KCND2: variants seen among roughly 807,000 people sequenced by gnomAD.
KCND2 encodes potassium voltage-gated channel subfamily D member 2, also known as A-type voltage-gated potassium channel KCND2.
Under a neutral mutation model 54.4 loss-of-function variants are expected in KCND2, and 16 were observed. The observed-to-expected ratio is 0.29, with a 90% CI of 0.20 to 0.45. KCND2 has a LOEUF of 0.45. KCND2 is among the 20% of genes least tolerant of loss of function. The pLI is 1.00. For missense variants in KCND2, 486 were observed against 824.2 expected (o/e 0.59, Z 5.02); for synonymous variants, 317 against 310.7 (o/e 1.02, Z -0.21).
At chr7:120,447,303 C>T (rs1802030613) in intron 1 of KCND2, among the ~76,000 whole-genome samples, 1 of 150,338 alleles carries the variant, frequency 6.7e-6, no homozygotes, top group Non-Finnish European at 1.5e-5. Flanking sequence ...CTAGTTCTGG[C>T]CAATGGAATT....
At chr7:120,663,066 C>G (rs1220145104) in intron 1 of KCND2, among the ~76,000 whole-genome samples, 5 of 152,172 alleles carry the variant, frequency 3.3e-5, no homozygotes, top group Admixed American at 3.3e-4. Flanking sequence ...TGCCTCTAGA[C>G]AAATATCTGA....
chr7:120,601,970 C>A (rs1318828510), intron 1 of KCND2, among the ~76,000 whole-genome samples: 1 of 152,028 alleles, frequency 6.6e-6, no homozygotes, highest in East Asian at 1.9e-4. Flanking sequence ...AGGAAATCTT[C>A]AAAAATAAAA....
At chr7:120,623,112 G>A (rs143829837) in intron 1 of KCND2, among the ~76,000 whole-genome samples, 47 of 152,258 alleles carry the variant, frequency 3.1e-4, no homozygotes, top group African/African-American at 1.1e-3. Flanking sequence ...ATACTGGTTG[G>A]CTAGTGTTTA....
At chr7:120,544,768 T>G (rs1167944998) in intron 1 of KCND2, among the ~76,000 whole-genome samples, 1 of 151,956 alleles carries the variant, frequency 6.6e-6, no homozygotes, top group Non-Finnish European at 1.5e-5. Flanking sequence ...CAATGACTTT[T>G]GCTCATTTCT....
chr7:120,511,077 C>G (rs1363624125), intron 1 of KCND2, among the ~76,000 whole-genome samples: 2 of 151,488 alleles, frequency 1.3e-5, no homozygotes, highest in Non-Finnish European at 3.0e-5. Flanking sequence ...TAACTACTGA[C>G]TCCTTACCAG....
intron 1 of KCND2, among the ~76,000 whole-genome samples, chr7:120,410,561 T>C (rs1360248565): frequency 2.0e-5 from 3 of 152,044 alleles, no homozygotes; most frequent in Admixed American, 1.3e-4. Flanking sequence ...CTTTTTCTTA[T>C]TATACTTTAA....
intron 1 of KCND2, among the ~76,000 whole-genome samples, chr7:120,503,908 G>A (rs985879388): frequency 1.9e-4 from 29 of 151,826 alleles, no homozygotes; most frequent in African/African-American, 6.5e-4. Context: ...TAGCTTCACC[G>A]CAAATCCGCC....
chr7:120,737,869 C>A (rs1792894344), intron 2 of KCND2, among the ~76,000 whole-genome samples: 1 of 151,846 alleles, frequency 6.6e-6, no homozygotes. Context: ...ACCTAGGATA[C>A]CTTTATTTTT....
chr7:120,348,894 T>G (rs75372378), intron 1 of KCND2, among the ~76,000 whole-genome samples: 4,206 of 152,322 alleles, frequency 0.028, 93 homozygotes, highest in Non-Finnish European at 0.047. Context: ...CATGTCTTAC[T>G]CATCAGCATT....
chr7:120,284,905 G>T (rs1188969714), intron 1 of KCND2, among the ~76,000 whole-genome samples: 3 of 152,230 alleles, frequency 2.0e-5, no homozygotes, highest in East Asian at 3.9e-4. Context: ...CAGTGTATGT[G>T]CAGGTCTAAA....
At chr7:120,343,198 C>G (rs181904030) in intron 1 of KCND2, among the ~76,000 whole-genome samples, 70 of 152,198 alleles carry the variant, frequency 4.6e-4, no homozygotes, top group Admixed American at 1.8e-3. Context: ...CATCCAGATG[C>G]AAAGAGGCTG....
intron 1 of KCND2, among the ~76,000 whole-genome samples, chr7:120,499,185 A>G (rs998403348): frequency 6.6e-6 from 1 of 152,168 alleles, no homozygotes; most frequent in African/African-American, 2.4e-5. Context: ...ACCTCATTAT[A>G]TACAGAACTG....
chr7:120,350,969 A>C (rs911767496), intron 1 of KCND2, among the ~76,000 whole-genome samples: 3 of 152,036 alleles, frequency 2.0e-5, no homozygotes, highest in Non-Finnish European at 4.4e-5. Flanking sequence ...TTGTTATAAA[A>C]AGTTTTAAGT....
intron 1 of KCND2, among the ~76,000 whole-genome samples, chr7:120,583,258 G>A (rs919380774): frequency 6.6e-6 from 1 of 151,816 alleles, no homozygotes; most frequent in African/African-American, 2.4e-5. Flanking sequence ...CACATTCATC[G>A]CCAGTTTTGC....
intron 1 of KCND2, among the ~76,000 whole-genome samples, chr7:120,590,864 T>G (rs1344586860): frequency 6.6e-6 from 1 of 152,210 alleles, no homozygotes; most frequent in African/African-American, 2.4e-5. Flanking sequence ...TAGGATAACT[T>G]GTTATGAGAA....
At chr7:120,721,703 A>G (rs981600347) in intron 1 of KCND2, among the ~76,000 whole-genome samples, 2 of 152,176 alleles carry the variant, frequency 1.3e-5, no homozygotes, top group African/African-American at 4.8e-5. Flanking sequence ...TACTTAAAGA[A>G]CTTTGGAATC....
chr7:120,423,186 TCTC>T (rs1407627746), intron 1 of KCND2, among the ~76,000 whole-genome samples: 3 of 152,208 alleles, frequency 2.0e-5, no homozygotes, highest in African/African-American at 7.2e-5. Context: ...GCTTCACTCT[TCTC>T]TGTTCCAGCC....
intron 1 of KCND2, among the ~76,000 whole-genome samples, chr7:120,472,557 T>C (rs1037754754): frequency 3.0e-5 from 4 of 134,960 alleles, no homozygotes; most frequent in African/African-American, 1.4e-4. Context: ...TTATGAGACT[T>C]TAAATACACA....
chr7:120,274,900 G>A lies in KCND2; in HGVS notation c.268G>A (p.Asp90Asn), dbSNP rs1371124503. The A allele has an allele frequency of 6.2e-7, 1 of 1,613,930 alleles. No homozygotes were observed. Among genetic ancestry groups the A allele is most frequent in the African/African-American group, 1.3e-5 (1 of 74,886 alleles). ...TQQYFFDRDP[D>N]IFRHILNFYR... ...GCAGTATTTCTTTGACCGTGACCCA[G>A]ACATCTTCCGCCACATCCTGAATTT... The change falls in exon 1 of 6, where the codon GAC becomes AAC. Residue 90 changes from aspartate (D) to asparagine (N), a missense_variant. By Grantham distance (23) the Asp-to-Asn change is conservative. This residue lies in a region of KCND2 where 231 missense variants were observed against 386.0 expected (regional missense o/e 0.60). Coordinates refer to ENST00000331113, the MANE Select transcript of KCND2 (RefSeq NM_012281.3).
Sources: gnomAD v4.1 joint callset for allele counts (sites outside exome capture counted in the v4.1 genomes callset) on GRCh38, gnomAD v4.1.1 for gene constraint, gnomAD v4.1.1 regional missense constraint, MANE v1.5 for transcripts, NCBI Gene and HGNC (gene_info 2026-07-23, HGNC 2026-07-21) for gene names.